The following PHACTR4 variants were observed in gnomAD, a reference collection of about 807,000 sequenced individuals.
PHACTR4 encodes the protein phosphatase and actin regulator 4.
A neutral mutation model predicts 72.7 loss-of-function variants in PHACTR4; 51 were observed. The ratio of observed to expected loss-of-function variants is 0.70; its 90% CI spans 0.56 to 0.89. The LOEUF (loss-of-function observed/expected upper bound fraction) is 0.89. Among genes scored for constraint, PHACTR4 ranks in the 40% least tolerant of loss-of-function variants. PHACTR4 has a pLI of 0.00. For missense variants in PHACTR4, 731 were observed against 861.8 expected (o/e 0.85, Z 1.90); for synonymous variants, 255 against 302.5 (o/e 0.84, Z 1.63).
At chr1:28,381,512 A>G (rs1189304167) in intron 1 of PHACTR4, among the ~76,000 whole-genome samples, 1 of 120,750 alleles carries the variant, frequency 8.3e-6, no homozygotes, top group Non-Finnish European at 1.8e-5. Context: ...GTTAGCCAGT[A>G]TGGTCTCGAT....
Position 28,476,531 on chromosome 1 carries a change from T to G in PHACTR4, c.1606+240T>G, listed in dbSNP as rs536450415. 2.7e-5 allele frequency among the ~76,000 whole-genome samples: 4 copies of G among 150,030 alleles called. No individual in the cohort carries two copies. In the South Asian group the frequency reaches 6.2e-4, roughly 23 times the overall value. Reference sequence around the variant, plus strand: ...CACTCAGGTTTTAGGTTTTTTGTTTTTTTTTGTTTTAATTTTTTTTTTTTT... The same window carrying G: ...CACTCAGGTTTTAGGTTTTTTGTTTGTTTTTGTTTTAATTTTTTTTTTTTT... On this transcript the variant is annotated intron_variant, in intron 8 of 13. Coordinates refer to ENST00000373839, the MANE Select transcript of PHACTR4 (RefSeq NM_001048183.3).
chr1:28,416,845 T>C (rs774040122), intron 2 of PHACTR4, among the ~76,000 whole-genome samples: 2 of 152,232 alleles, frequency 1.3e-5, no homozygotes, highest in Non-Finnish European at 2.9e-5. Context: ...TTTTCTCTTT[T>C]ATAGTTCATA....
At chr1:28,450,399 A>G (rs192002234) in intron 2 of PHACTR4, among the ~76,000 whole-genome samples, 3 of 151,964 alleles carry the variant, frequency 2.0e-5, no homozygotes, top group East Asian at 1.9e-4. Context: ...CTGCATGCCT[A>G]TATGTTCTCT....
intron 1 of PHACTR4, among the ~76,000 whole-genome samples, chr1:28,372,664 C>T (rs909236668): frequency 1.3e-5 from 2 of 151,868 alleles, no homozygotes; most frequent in Non-Finnish European, 2.9e-5. Flanking sequence ...TCAGCCTGGC[C>T]AACATGGTAA....
intron 6 of PHACTR4, among the ~76,000 whole-genome samples, chr1:28,470,849 C>A (rs1317536218): frequency 6.6e-6 from 1 of 150,970 alleles, no homozygotes; most frequent in Non-Finnish European, 1.5e-5. Context: ...CATAGTGAGA[C>A]CTTGTCTCTA....
Position 28,466,733 on chromosome 1 carries a change from C to T in PHACTR4, c.788C>T (p.Pro263Leu). 1 of 1,613,102 alleles carries T rather than the reference C, an allele frequency of 6.2e-7. No homozygotes were observed. Among genetic ancestry groups the T allele is most frequent in the Non-Finnish European group, 8.5e-7 (1 of 1,179,366 alleles). The change falls in exon 6 of 14, where the codon CCT becomes CTT. Residue 263 changes from proline to leucine, a missense_variant. Pro to Leu is a moderately conservative substitution (Grantham distance 98, BLOSUM62 -3). Coordinates refer to ENST00000373839, the MANE Select transcript of PHACTR4 (RefSeq NM_001048183.3). ...GCCAAGCAGCCCCCTATCCCTCCCC[C>T]TAAACCAGCTCACAGAAATAGCAAC... Reference protein sequence around the residue: ...VPAKQPPIPPPKPAHRNSNPV... With the variant: ...VPAKQPPIPPLKPAHRNSNPV...
At chr1:28,408,291 G>T (rs1021780393) in intron 2 of PHACTR4, among the ~76,000 whole-genome samples, 2 of 134,620 alleles carry the variant, frequency 1.5e-5, no homozygotes, top group Non-Finnish European at 3.5e-5. Flanking sequence ...TGGGCGCAGT[G>T]GCTCATGCCT....
chr1:28,433,388 G>A (rs1656406288), intron 2 of PHACTR4, among the ~76,000 whole-genome samples: 1 of 151,574 alleles, frequency 6.6e-6, no homozygotes, highest in African/African-American at 2.4e-5. Context: ...AAACATGATG[G>A]TCAGGGAACA....
intron 7 of PHACTR4, among the ~76,000 whole-genome samples, chr1:28,475,727 G>GTTTTTTTTTTTT (rs1285307511): frequency 4.4e-5 from 5 of 112,788 alleles, no homozygotes; most frequent in Admixed American, 1.6e-4. Context: ...TCAGTCCTTT[G>GTTTTTTTTTTTT]TCTTTTTTTT....
intron 9 of PHACTR4, among the ~76,000 whole-genome samples, chr1:28,488,191 C>G (rs1469189945): frequency 6.6e-6 from 1 of 152,068 alleles, no homozygotes; most frequent in Non-Finnish European, 1.5e-5. Context: ...TCCTAAACCA[C>G]TGATTTAAAA....
chr1:28,493,465 G>A (rs954043153), intron 13 of PHACTR4, among the ~76,000 whole-genome samples: 1 of 151,390 alleles, frequency 6.6e-6, no homozygotes. Flanking sequence ...TTGAACCCGG[G>A]AGATGGAGGT....
At chr1:28,458,378 G>A (rs1455820580) in intron 2 of PHACTR4, among the ~76,000 whole-genome samples, 2 of 151,990 alleles carry the variant, frequency 1.3e-5, no homozygotes, top group Non-Finnish European at 2.9e-5. Context: ...AAGCTCCTGA[G>A]CTTAAGCGAT....
At chr1:28,438,468 A>G (rs1656779340) in intron 2 of PHACTR4, 2 of 1,608,802 alleles carry the variant, frequency 1.2e-6, no homozygotes, top group Non-Finnish European at 1.7e-6. Flanking sequence ...AAATCTTGAC[A>G]GAAGCAAGGC....
intron 2 of PHACTR4, among the ~76,000 whole-genome samples, chr1:28,456,654 G>A (rs973662236): frequency 6.6e-6 from 1 of 151,536 alleles, no homozygotes; most frequent in Non-Finnish European, 1.5e-5. Context: ...AAGAGACAGG[G>A]TTTCTTCATG....
intron 1 of PHACTR4, among the ~76,000 whole-genome samples, chr1:28,403,617 A>G (rs1654100267): frequency 6.6e-6 from 1 of 152,224 alleles, no homozygotes; most frequent in Admixed American, 6.5e-5. Flanking sequence ...TACAGTTTAT[A>G]GTATACAACT....
chr1:28,426,461 A>G (rs1360484768), intron 2 of PHACTR4, among the ~76,000 whole-genome samples: 1 of 151,972 alleles, frequency 6.6e-6, no homozygotes, highest in Non-Finnish European at 1.5e-5. Flanking sequence ...GATCAAGACC[A>G]TCTGGCTAAC....
At position 28,487,741 on chromosome 1, in the gene PHACTR4, T is replaced by G. The variant is rs901674685; in HGVS notation, c.1761-1429T>G. ...AGTTTTTTGTTGTTTTTTTTTTTTT[T>G]TTTTTTTTTTTTGAGATGGAATCTC... On this transcript the variant is annotated intron_variant, in intron 9 of 13. Coordinates refer to ENST00000373839, the MANE Select transcript of PHACTR4 (RefSeq NM_001048183.3). Among the ~76,000 whole-genome samples the G allele has an allele frequency of 6.1e-4, 82 of 134,980 alleles. 1 individual carries two copies. Among genetic ancestry groups the G allele is most frequent in the Middle Eastern group, 3.5e-3 (1 of 288 alleles). 88.6% of individuals were successfully genotyped at this position (134,980 alleles called of 152,430 possible). A position where few individuals can be genotyped will look rare whatever the true frequency, so the allele number is the denominator to read the frequency against.
intron 1 of PHACTR4, among the ~76,000 whole-genome samples, chr1:28,372,295 C>CGGGGA (rs1416629187): frequency 1.3e-5 from 2 of 152,124 alleles, no homozygotes; most frequent in Non-Finnish European, 2.9e-5. Flanking sequence ...TTACATGAAT[C>CGGGGA]AGGGAAGGTT....
chr1:28,460,092 C>A, intron 3 of PHACTR4, 120 bp from the exon 4 acceptor site: 1 of 554,356 alleles, frequency 1.8e-6, no homozygotes, highest in South Asian at 3.2e-5. Flanking sequence ...TAGTTATTTT[C>A]TTTCCTGAGA....
Sources: gnomAD v4.1 joint callset for allele counts (sites outside exome capture counted in the v4.1 genomes callset) on GRCh38, gnomAD v4.1.1 for gene constraint, MANE v1.5 for transcripts, NCBI Gene and HGNC (gene_info 2026-07-23, HGNC 2026-07-21) for gene names.